Variants in ATP2B2 observed in about 807,000 individuals in gnomAD.
The protein encoded by ATP2B2 is ATPase plasma membrane Ca2+ transporting 2, also known as plasma membrane calcium-transporting ATPase 2.
Under a neutral mutation model 120.0 loss-of-function variants are expected in ATP2B2, and 15 were observed. That is an observed-to-expected ratio of 0.12 (90% CI 0.08 to 0.19). ATP2B2 has a LOEUF of 0.19. ATP2B2 is among the 10% of genes least tolerant of loss of function. The pLI, the probability that ATP2B2 is intolerant of heterozygous loss-of-function variation, is 1.00. For missense variants in ATP2B2, 1,045 were observed against 1,719.8 expected, an observed-to-expected ratio of 0.61 and a Z score of 6.94; for synonymous variants, 694 against 700.3, an observed-to-expected ratio of 0.99 and a Z score of 0.14.
In ATP2B2 at chr3:10,375,728, C is replaced by G. The variant is rs144913068; in HGVS notation, c.1202-84G>C. 27 of 1,306,816 alleles carry G rather than the reference C, an allele frequency of 2.1e-5. No homozygotes were observed. The highest frequency in any genetic ancestry group is 2.9e-5 in the Non-Finnish European group (27 of 920,398). 81.0% of individuals were successfully genotyped at this position (1,306,816 alleles called of 1,614,324 possible). On this transcript the variant is annotated intron_variant, in intron 10 of 22. Transcript: ENST00000360273. The surrounding 1 kb of genome is among the most constrained non-coding windows in gnomAD (Gnocchi z 4.2). ...TGGACCAAATCTTTGGCTGAAAGAG[C>G]TCCGGGTCAGGCTGACCCCAGCTCA...
chr3:10,545,929 A>G (rs1040622347), intron 2 of ATP2B2, among the ~76,000 whole-genome samples: 3 of 152,244 alleles, frequency 2.0e-5, no homozygotes, highest in Non-Finnish European at 4.4e-5. Flanking sequence ...CTGAAATGAT[A>G]TAGGGTCTCA....
chr3:10,590,798 G>A (rs1331018933), intron 2 of ATP2B2, among the ~76,000 whole-genome samples: 2 of 152,266 alleles, frequency 1.3e-5, no homozygotes, highest in African/African-American at 2.4e-5. Flanking sequence ...ATGTGCACCC[G>A]TGCATGTGCC....
chr3:10,501,585 C>G (rs1467055351), intron 1 of ATP2B2, among the ~76,000 whole-genome samples: 3 of 151,816 alleles, frequency 2.0e-5, no homozygotes, highest in Non-Finnish European at 4.4e-5. Context: ...GCCCTTGGAG[C>G]ATGGCTCCCA....
intron 1 of ATP2B2, among the ~76,000 whole-genome samples, chr3:10,480,700 C>T (rs1379050005): frequency 6.6e-6 from 1 of 152,206 alleles, no homozygotes; most frequent in African/African-American, 2.4e-5. Flanking sequence ...ATCTTGTTCT[C>T]GCCATTTCCC....
At chr3:10,638,668 T>A (rs527983008) in intron 1 of ATP2B2, among the ~76,000 whole-genome samples, 2 of 152,310 alleles carry the variant, frequency 1.3e-5, no homozygotes, top group South Asian at 4.1e-4. Flanking sequence ...AGGCAGAGAT[T>A]GTCAGATTGG....
chr3:10,667,470 T>G (rs1013382280), intron 1 of ATP2B2, among the ~76,000 whole-genome samples: 1 of 152,156 alleles, frequency 6.6e-6, no homozygotes, highest in African/African-American at 2.4e-5. Flanking sequence ...TGAGAACGCA[T>G]CCTTCTGGGG....
intron 2 of ATP2B2, among the ~76,000 whole-genome samples, chr3:10,436,447 C>T (rs922322751): frequency 1.3e-5 from 2 of 152,196 alleles, no homozygotes; most frequent in Admixed American, 6.5e-5. Context: ...GAAATCAGCA[C>T]CCACTGCAAA....
intron 11 of ATP2B2, among the ~76,000 whole-genome samples, chr3:10,372,969 T>G (rs535856935): frequency 1.3e-5 from 2 of 152,330 alleles, no homozygotes; most frequent in South Asian, 4.1e-4. Context: ...TCCTTTATTT[T>G]TGCTCCTCAT....
At chr3:10,356,476 T>A (rs1316562684) in intron 14 of ATP2B2, among the ~76,000 whole-genome samples, 1 of 152,176 alleles carries the variant, frequency 6.6e-6, no homozygotes, top group Non-Finnish European at 1.5e-5. Flanking sequence ...TTTGTGAAAT[T>A]CTTGCTTTGG....
chr3:10,450,807 G>A (rs2064014652), intron 1 of ATP2B2, among the ~76,000 whole-genome samples: 1 of 152,162 alleles, frequency 6.6e-6, no homozygotes, highest in Admixed American at 6.5e-5. Context: ...CATCTGTGGG[G>A]CTGCCAGGAG....
intron 3 of ATP2B2, among the ~76,000 whole-genome samples, chr3:10,526,749 G>A (rs1575460347): frequency 6.6e-6 from 1 of 152,112 alleles, no homozygotes; most frequent in Non-Finnish European, 1.5e-5. Context: ...AGGAGGACAG[G>A]ACTGGGTCCT....
intron 9 of ATP2B2, among the ~76,000 whole-genome samples, chr3:10,378,811 C>T (rs578022806): frequency 2.0e-5 from 3 of 152,238 alleles, no homozygotes; most frequent in Admixed American, 6.5e-5. Context: ...AGTAGCCACT[C>T]GACAGGAGGG....
chr3:10,605,138 A>C (rs1488353786), intron 2 of ATP2B2, among the ~76,000 whole-genome samples: 1 of 152,158 alleles, frequency 6.6e-6, no homozygotes, highest in Non-Finnish European at 1.5e-5. Context: ...CCCACTCCAC[A>C]TCTCTAGGGA....
chr3:10,459,241 T>C (rs2064386187), intron 1 of ATP2B2, among the ~76,000 whole-genome samples: 3 of 152,256 alleles, frequency 2.0e-5, no homozygotes, highest in Non-Finnish European at 4.4e-5. Flanking sequence ...CTTTTATGTG[T>C]TCCATGTTTA....
chr3:10,518,615 C>T lies in ATP2B2; in HGVS notation c.-320+15424G>A, dbSNP rs541026779. 8.5e-5 allele frequency among the ~76,000 whole-genome samples: 13 copies of T among 152,358 alleles called. No individual in the cohort carries two copies. In the South Asian group the frequency reaches 1.9e-3, roughly 22 times the overall value. On this transcript the variant is annotated intron_variant, in intron 3 of 21. Transcript: ENST00000646379. Reference sequence around the variant, plus strand: ...CCTGATCCGCTTTCTCCCAGCCAAGCGCCGCTGCGGCCGTGCTGACCTCAA... The same window carrying T: ...CCTGATCCGCTTTCTCCCAGCCAAGTGCCGCTGCGGCCGTGCTGACCTCAA...
chr3:10,490,833 C>T (rs941582332), intron 1 of ATP2B2, among the ~76,000 whole-genome samples: 1 of 152,180 alleles, frequency 6.6e-6, no homozygotes, highest in African/African-American at 2.4e-5. Context: ...TCACTTTGGC[C>T]TCTCTGTGAC....
intron 1 of ATP2B2, among the ~76,000 whole-genome samples, chr3:10,644,705 G>T (rs2070274940): frequency 6.6e-6 from 1 of 152,196 alleles, no homozygotes; most frequent in African/African-American, 2.4e-5. Context: ...AGTCCGCAGA[G>T]ACAGAATGAG....
intron 2 of ATP2B2, among the ~76,000 whole-genome samples, chr3:10,575,905 G>A (rs904820816): frequency 6.6e-6 from 1 of 152,184 alleles, no homozygotes; most frequent in African/African-American, 2.4e-5. Context: ...CTGGGCCTTA[G>A]AGACCCCATG....
intron 18 of ATP2B2, 68 bp downstream of exon 18, chr3:10,345,316 G>C (rs183568095): frequency 6.4e-7 from 1 of 1,568,314 alleles, no homozygotes; most frequent in Non-Finnish European, 8.8e-7. Context: ...AGTACCCTAA[G>C]GCCCCCGAGC....
Sources: allele counts gnomAD v4.1 joint callset (sites outside exome capture counted in the v4.1 genomes callset), GRCh38; gene constraint gnomAD v4.1.1; non-coding constraint Gnocchi (gnomAD v3.1); transcripts MANE v1.5; gene names NCBI Gene and HGNC (gene_info 2026-07-23, HGNC 2026-07-21).